HMX2: variants seen among roughly 807,000 people sequenced by gnomAD.
HMX2 encodes the protein H6 family homeobox 2, also known as homeobox protein HMX2.
HMX2 carries 15 observed loss-of-function variants against 21.2 expected under a neutral mutation model. That is an observed-to-expected ratio of 0.71 (90% CI 0.47 to 1.09). The LOEUF is 1.09. Among genes scored for constraint, HMX2 ranks in the 50% least tolerant of loss-of-function variants. The pLI, the probability that HMX2 is intolerant of heterozygous loss-of-function variation, is 0.00. For synonymous variants in HMX2, 193 were observed against 181.0 expected, an observed-to-expected ratio of 1.07 and a Z score of -0.53; for missense variants, 440 against 381.5, an observed-to-expected ratio of 1.15 and a Z score of -1.28.
rs1696062430 is a variant in HMX2 at position 123,148,341 on chromosome 10, G to A, written c.-38G>A. On this transcript the variant is annotated 5_prime_UTR_variant, in exon 1 of 2. Coordinates refer to ENST00000339992, the MANE Select transcript of HMX2 (RefSeq NM_005519.2). ...CAGATCACCCAGATCGTCTCTAAAG[G>A]GAGTTCTTGGTTTCCTTCGATTTCT... is the stretch of plus-strand genomic sequence containing the variant. 8.1e-6 allele frequency: 13 copies of A among 1,612,018 alleles called. No individual in the cohort carries two copies. Among genetic ancestry groups the A allele is most frequent in the Non-Finnish European group, 1.1e-5 (13 of 1,178,944 alleles).
rs1310597415 is a variant in HMX2, at chr10:123,149,936, T to C, written c.635T>C (p.Leu212Pro). Residue 212 changes from leucine (L) to proline (P), a missense_variant, in exon 2 of 2, where the codon CTG becomes CCG. Coordinates refer to ENST00000339992, the MANE Select transcript of HMX2 (RefSeq NM_005519.2). The surrounding 1 kb of genome is among the most constrained non-coding windows in gnomAD (Gnocchi z 5.4). ...TGGAAGCGGCAGCTCTCGGCTGAGC[T>C]GGAGGCGGCCAACATGGCGCACGCG... ...NKWKRQLSAE[L>P]EAANMAHASA... is the part of the protein sequence containing the mutation. The C allele has an allele frequency of 6.2e-7, 1 of 1,612,250 alleles. No individual in the cohort carries two copies. The highest frequency in any genetic ancestry group is 8.5e-7 in the Non-Finnish European group (1 of 1,179,678).
Position 123,149,458 on chromosome 10 carries a change from G to T in HMX2, c.269-112G>T, listed in dbSNP as rs1844242812. On this transcript the variant is annotated intron_variant, in intron 1 of 1. Transcript: ENST00000339992. This position sits in a 1 kb window ranked among gnomAD's most constrained non-coding sequence, Gnocchi z 5.4. ...AGGGATAAGAGGAGGGGATTGGTAA[G>T]GTGGGACCAAGGCTGCAGGCGCTTG... 1 of 838,810 alleles carries T rather than the reference G, an allele frequency of 1.2e-6. No homozygotes were observed. The highest frequency in any genetic ancestry group is 1.7e-6 in the Non-Finnish European group (1 of 579,420). The allele number at this position is 838,810 out of a possible 1,614,324, so 52.0% of individuals were successfully genotyped here. A position where few individuals can be genotyped will look rare whatever the true frequency, so the allele number is the denominator to read the frequency against.
chr10:123,149,743 G>C lies in HMX2; in HGVS notation c.442G>C (p.Ala148Pro). The change falls in exon 2 of 2, where the codon GCC becomes CCC. Residue 148 changes from alanine to proline, a missense_variant. Transcript: ENST00000339992. The surrounding 1 kb of genome is among the most constrained non-coding windows in gnomAD (Gnocchi z 5.4). ...DGGAERQAGA[A>P]KKKTRTVFSR... Reference sequence around the variant, plus strand: ...CGGCGCTGAGCGGCAGGCCGGCGCGGCCAAGAAGAAGACGCGCACCGTCTT... The same window carrying C: ...CGGCGCTGAGCGGCAGGCCGGCGCGCCCAAGAAGAAGACGCGCACCGTCTT... 1 of 1,548,288 alleles carries C rather than the reference G, an allele frequency of 6.5e-7. No homozygotes were observed. Among genetic ancestry groups the C allele is most frequent in the Non-Finnish European group, 8.7e-7 (1 of 1,150,618 alleles).
chr10:123,149,757 G>C lies in HMX2; in HGVS notation c.456G>C (p.Thr152=), dbSNP rs774893399. ...AGGCCGGCGCGGCCAAGAAGAAGACGCGCACCGTCTTTTCGCGCAGCCAGG... is the reference window on the plus strand; with the variant it reads ...AGGCCGGCGCGGCCAAGAAGAAGACCCGCACCGTCTTTTCGCGCAGCCAGG... ...ERQAGAAKKK[T]RTVFSRSQVY... is the part of the protein sequence containing the mutation. The change falls in exon 2 of 2, where the codon ACG becomes ACC. Residue 152 remains threonine, a synonymous_variant. Coordinates refer to ENST00000339992, the MANE Select transcript of HMX2 (RefSeq NM_005519.2). This position sits in a 1 kb window ranked among gnomAD's most constrained non-coding sequence, Gnocchi z 5.4. The C allele has an allele frequency of 4.9e-5, 78 of 1,581,222 alleles. No homozygotes were observed. The highest frequency in any genetic ancestry group is 6.1e-5 in the Non-Finnish European group (71 of 1,164,662).
Position 123,150,138 on chromosome 10 carries a change from C to CCA in HMX2, c.*15_*16insCA. On this transcript the variant is annotated 3_prime_UTR_variant, in exon 2 of 2. Coordinates refer to ENST00000339992, the MANE Select transcript of HMX2 (RefSeq NM_005519.2). The surrounding 1 kb of genome is among the most constrained non-coding windows in gnomAD (Gnocchi z 4.2). ...TCGACTACTGACCGGCCCGCCGCCC[C>CCA]GCGCCGCCCCCAGCTGCCCGCAGAG... The CCA allele has an allele frequency of 6.6e-7, 1 of 1,510,932 alleles. No individual in the cohort carries two copies. Among genetic ancestry groups the CCA allele is most frequent in the Non-Finnish European group, 8.9e-7 (1 of 1,129,644 alleles). 93.6% of individuals were successfully genotyped at this position (1,510,932 alleles called of 1,614,324 possible).
chr10:123,150,129 C>A lies in HMX2; in HGVS notation c.*6C>A. ...ACAACAAGCTCGACTACTGACCGGC[C>A]CGCCGCCCCGCGCCGCCCCCAGCTG... On this transcript the variant is annotated 3_prime_UTR_variant, in exon 2 of 2. Transcript: ENST00000339992. This position sits in a 1 kb window ranked among gnomAD's most constrained non-coding sequence, Gnocchi z 4.2. 1.3e-6 allele frequency: 2 copies of A among 1,518,850 alleles called. No individual in the cohort carries two copies. Among genetic ancestry groups the A allele is most frequent in the Non-Finnish European group, 1.8e-6 (2 of 1,133,630 alleles). The allele number at this position is 1,518,850 out of a possible 1,614,324, so 94.1% of individuals were successfully genotyped here.
chr10:123,149,885 C>G lies in HMX2; in HGVS notation c.584C>G (p.Thr195Ser), dbSNP rs1035551958. The change falls in exon 2 of 2, where the codon ACT becomes AGT. Residue 195 changes from threonine to serine, a missense_variant. Transcript: ENST00000339992. This position sits in a 1 kb window ranked among gnomAD's most constrained non-coding sequence, Gnocchi z 5.4. ...SLQLTETQVK[T>S]WFQNRRNKWK... ...CAGCTCACGGAGACCCAGGTAAAGA[C>G]TTGGTTCCAGAACCGCCGCAACAAG... The G allele has an allele frequency of 6.2e-7, 1 of 1,612,530 alleles. No homozygotes were observed. The highest frequency in any genetic ancestry group is 1.3e-5 in the African/African-American group (1 of 74,938).
rs1017991178 is a variant in HMX2 at position 123,149,744 on chromosome 10, C to T, written c.443C>T (p.Ala148Val). ...DGGAERQAGA[A>V]KKKTRTVFSR... is the part of the protein sequence containing the mutation. Reference sequence around the variant, plus strand: ...GGCGCTGAGCGGCAGGCCGGCGCGGCCAAGAAGAAGACGCGCACCGTCTTT... The same window carrying T: ...GGCGCTGAGCGGCAGGCCGGCGCGGTCAAGAAGAAGACGCGCACCGTCTTT... The change falls in exon 2 of 2, where the codon GCC (alanine) becomes GTC (valine). Residue 148 changes from alanine to valine, a missense_variant. Physicochemically the swap from Ala to Val is moderately conservative, Grantham distance 64. Coordinates refer to ENST00000339992, the MANE Select transcript of HMX2 (RefSeq NM_005519.2). This position sits in a 1 kb window ranked among gnomAD's most constrained non-coding sequence, Gnocchi z 5.4. 2.6e-6 allele frequency: 4 copies of T among 1,548,992 alleles called. No homozygotes were observed. The African/African-American group carries it at 4.2e-5, about 16-fold the overall frequency.
Position 123,148,266 on chromosome 10 carries a change from A to C in HMX2, c.-113A>C. 1.3e-5 allele frequency: 11 copies of C among 845,546 alleles called. No homozygotes were observed. The highest frequency in any genetic ancestry group is 3.1e-5 in the East Asian group (1 of 32,512). 52.4% of individuals were successfully genotyped at this position (845,546 alleles called of 1,614,324 possible). A position where few individuals can be genotyped will look rare whatever the true frequency, so the allele number is the denominator to read the frequency against. On this transcript the variant is annotated 5_prime_UTR_variant, in exon 1 of 2. Coordinates refer to ENST00000339992, the MANE Select transcript of HMX2 (RefSeq NM_005519.2). ...CAGCCTCGGCGCCCCCTCCCCCTAG[A>C]TTTCCTCCCCGCCCCTCCCCACTGC...
Position 123,149,505 on chromosome 10 carries a change from G to A in HMX2, c.269-65G>A. ...CTTGCCAACCGCTTGGTCCCAGGGA[G>A]AGCTGGCGGTCTCCGAGGCTCCCCA... On this transcript the variant is annotated intron_variant, in intron 1 of 1. Transcript: ENST00000339992. This position sits in a 1 kb window ranked among gnomAD's most constrained non-coding sequence, Gnocchi z 5.4. 4 of 1,344,940 alleles carry A rather than the reference G, an allele frequency of 3.0e-6. No homozygotes were observed. The highest frequency in any genetic ancestry group is 3.9e-6 in the Non-Finnish European group (4 of 1,026,910). 83.3% of individuals were successfully genotyped at this position (1,344,940 alleles called of 1,614,324 possible).
rs1309392620 is a variant in HMX2 at position 123,148,664 on chromosome 10, C to T, written c.268+18C>T. The T allele has an allele frequency of 1.3e-6, 2 of 1,599,586 alleles. No homozygotes were observed. Among genetic ancestry groups the T allele is most frequent in the Middle Eastern group, 1.7e-4 (1 of 6,008 alleles). ...TTGCCTGGGTAAGGATCGCACGTCG[C>T]CAGTGTGGCAGCGAGCGAGCGCGAG... On this transcript the variant is annotated intron_variant, in intron 1 of 1. Transcript: ENST00000339992.
Position 123,148,350 on chromosome 10 carries a change from G to A in HMX2, c.-29G>A. The stretch of plus-strand genomic sequence containing the variant: ...CAGATCGTCTCTAAAGGGAGTTCTT[G>A]GTTTCCTTCGATTTCTTATGAACCC... On this transcript the variant is annotated 5_prime_UTR_variant, in exon 1 of 2. Coordinates refer to ENST00000339992, the MANE Select transcript of HMX2 (RefSeq NM_005519.2). 1 of 1,600,072 alleles carries A rather than the reference G, an allele frequency of 6.2e-7. No individual in the cohort carries two copies. The highest frequency in any genetic ancestry group is 8.5e-7 in the Non-Finnish European group (1 of 1,171,914).
rs1844261468 is a variant in HMX2, at chr10:123,150,581, C to A, written c.*458C>A. The A allele has an allele frequency of 6.5e-6, 1 of 154,096 alleles. No individual in the cohort carries two copies. The highest frequency in any genetic ancestry group is 6.5e-5 in the Admixed American group (1 of 15,316). 9.5% of individuals were successfully genotyped at this position (154,096 alleles called of 1,614,324 possible). A position where few individuals can be genotyped will look rare whatever the true frequency, so the allele number is the denominator to read the frequency against. On this transcript the variant is annotated 3_prime_UTR_variant, in exon 2 of 2. Transcript: ENST00000339992. The surrounding 1 kb of genome is among the most constrained non-coding windows in gnomAD (Gnocchi z 4.2). Reference sequence around the variant, plus strand: ...ATTACTAAATTGCTTCTTTTCGTTTCCCTCATCCCGAGGATGGTAGGGACG... The same window carrying A: ...ATTACTAAATTGCTTCTTTTCGTTTACCTCATCCCGAGGATGGTAGGGACG...
Position 123,149,961 on chromosome 10 carries a change from G to C in HMX2, c.660G>C (p.Ala220=). The C allele has an allele frequency of 2.5e-6, 4 of 1,611,920 alleles. No individual in the cohort carries two copies. The highest frequency in any genetic ancestry group is 3.4e-6 in the Non-Finnish European group (4 of 1,179,564). The change falls in exon 2 of 2, where the codon GCG becomes GCC. Residue 220 remains alanine (A), a synonymous_variant. Coordinates refer to ENST00000339992, the MANE Select transcript of HMX2 (RefSeq NM_005519.2). This position sits in a 1 kb window ranked among gnomAD's most constrained non-coding sequence, Gnocchi z 5.4. ...AELEAANMAH[A]SAQTLVSMPL... is the part of the protein sequence containing the mutation. ...TGGAGGCGGCCAACATGGCGCACGCGTCGGCGCAGACTCTGGTGAGCATGC... is the reference window on the plus strand; with the variant it reads ...TGGAGGCGGCCAACATGGCGCACGCCTCGGCGCAGACTCTGGTGAGCATGC...
rs1290108875 is a variant in HMX2 at position 123,148,226 on chromosome 10, G to T, written c.-153G>T. On this transcript the variant is annotated 5_prime_UTR_variant, in exon 1 of 2. Coordinates refer to ENST00000339992, the MANE Select transcript of HMX2 (RefSeq NM_005519.2). The stretch of plus-strand genomic sequence containing the variant: ...CCGGTGCCTGCATGTCCCTGGCGCG[G>T]AAGGGACGCCTCACCAGCCTCGGCG... The T allele has an allele frequency of 1.3e-6, 1 of 790,958 alleles. No individual in the cohort carries two copies. The highest frequency in any genetic ancestry group is 1.8e-5 in the African/African-American group (1 of 55,630). The allele number at this position is 790,958 out of a possible 1,614,324, so 49.0% of individuals were successfully genotyped here.
In HMX2 at chr10:123,149,353, G is replaced by A. The variant is rs1295059954; in HGVS notation, c.269-217G>A. On this transcript the variant is annotated intron_variant, in intron 1 of 1. Transcript: ENST00000339992. The surrounding 1 kb of genome is among the most constrained non-coding windows in gnomAD (Gnocchi z 5.4). ...GCCCATTCATAAAGGTGGGAGCACA[G>A]AGACCCCATACTCCAAGTAGCTGGG... is the stretch of plus-strand genomic sequence containing the variant. 6.6e-6 allele frequency among the ~76,000 whole-genome samples: 1 copy of A among 152,152 alleles called. No homozygotes were observed. Among genetic ancestry groups the A allele is most frequent in the African/African-American group, 2.4e-5 (1 of 41,426 alleles).
rs899532966 is a variant in HMX2, at chr10:123,149,047, C to G, written c.268+401C>G. Among the ~76,000 whole-genome samples the G allele has an allele frequency of 6.6e-6, 1 of 152,238 alleles. No homozygotes were observed. The highest frequency in any genetic ancestry group is 1.5e-5 in the Non-Finnish European group (1 of 68,044). ...CTCTTTCTGAGTCTTCTTCCTCACT[C>G]GCTCCGTATCTCTGCCTTTCTCTCT... On this transcript the variant is annotated intron_variant, in intron 1 of 1. Coordinates refer to ENST00000339992, the MANE Select transcript of HMX2 (RefSeq NM_005519.2). This position sits in a 1 kb window ranked among gnomAD's most constrained non-coding sequence, Gnocchi z 5.4.
At position 123,150,441 on chromosome 10, in the gene HMX2, A is replaced by G. The variant is rs1316072893; in HGVS notation, c.*318A>G. The G allele has an allele frequency of 4.1e-6, 1 of 241,662 alleles. No homozygotes were observed. Among genetic ancestry groups the G allele is most frequent in the Non-Finnish European group, 8.0e-6 (1 of 125,722 alleles). 15.0% of individuals were successfully genotyped at this position (241,662 alleles called of 1,614,324 possible). A position where few individuals can be genotyped will look rare whatever the true frequency, so the allele number is the denominator to read the frequency against. On this transcript the variant is annotated 3_prime_UTR_variant, in exon 2 of 2. Coordinates refer to ENST00000339992, the MANE Select transcript of HMX2 (RefSeq NM_005519.2). This position sits in a 1 kb window ranked among gnomAD's most constrained non-coding sequence, Gnocchi z 4.2. ...GCCAGACAGGCTGTGGTTGGTAGGG[A>G]AAAAAATCAGGAAAACACCTACAAA...
At position 123,149,464 on chromosome 10, in the gene HMX2, A is replaced by T. The variant is rs541542654; in HGVS notation, c.269-106A>T. On this transcript the variant is annotated intron_variant, in intron 1 of 1. Coordinates refer to ENST00000339992, the MANE Select transcript of HMX2 (RefSeq NM_005519.2). This position sits in a 1 kb window ranked among gnomAD's most constrained non-coding sequence, Gnocchi z 5.4. ...AAGAGGAGGGGATTGGTAAGGTGGG[A>T]CCAAGGCTGCAGGCGCTTGCCAACC... is the stretch of plus-strand genomic sequence containing the variant. 201 of 918,750 alleles carry T rather than the reference A, an allele frequency of 2.2e-4. 1 individual carries two copies. In the South Asian group the frequency reaches 4.1e-3, roughly 19 times the overall value. 56.9% of individuals were successfully genotyped at this position (918,750 alleles called of 1,614,324 possible).
Sources: allele counts gnomAD v4.1 joint callset (sites outside exome capture counted in the v4.1 genomes callset), GRCh38; gene constraint gnomAD v4.1.1; non-coding constraint Gnocchi (gnomAD v3.1); transcripts MANE v1.5; gene names NCBI Gene and HGNC (gene_info 2026-07-23, HGNC 2026-07-21).